The following RALGPS2 variants were observed in gnomAD, a reference collection of about 807,000 sequenced individuals.
RALGPS2 encodes the protein ras-specific guanine nucleotide-releasing factor RalGPS2.
Under a neutral mutation model 86.8 loss-of-function variants are expected in RALGPS2, and 43 were observed. The ratio of observed to expected loss-of-function variants is 0.50; its 90% CI spans 0.39 to 0.64. The LOEUF is 0.64. Among genes scored for constraint, RALGPS2 ranks in the 30% least tolerant of loss-of-function variants. The pLI, the probability that RALGPS2 is intolerant of heterozygous loss-of-function variation, is 0.00. For synonymous variants in RALGPS2, 243 were observed against 231.3 expected (o/e 1.05, Z -0.46); for missense variants, 536 against 694.6 (o/e 0.77, Z 2.57).
rs185771709 is a variant in RALGPS2 at position 178,921,029 on chromosome 1, C to G, written c.*4670C>G. 4 of 152,124 alleles carry G rather than the reference C, an allele frequency of 2.6e-5. No homozygotes were observed. The highest frequency in any genetic ancestry group is 2.0e-4 in the Admixed American group (3 of 15,276). 9.4% of individuals were successfully genotyped at this position (152,124 alleles called of 1,614,324 possible). A position where few individuals can be genotyped will look rare whatever the true frequency, so the allele number is the denominator to read the frequency against. On this transcript the variant is annotated 3_prime_UTR_variant, in exon 20 of 20. Transcript: ENST00000367635. ...GCAAAGTTGGAAATATTTTGCTTCT[C>G]TCAGATTATTGGAAGACCTAGAGCT...
rs139209943 is a variant in RALGPS2, at chr1:178,919,369, G to A, written c.*3010G>A. 2 of 152,078 alleles carry A rather than the reference G, an allele frequency of 1.3e-5. No individual in the cohort carries two copies. The highest frequency in any genetic ancestry group is 2.9e-5 in the Non-Finnish European group (2 of 67,914). The allele number at this position is 152,078 out of a possible 1,614,324, so 9.4% of individuals were successfully genotyped here. A position where few individuals can be genotyped will look rare whatever the true frequency, so the allele number is the denominator to read the frequency against. On this transcript the variant is annotated 3_prime_UTR_variant, in exon 20 of 20. Transcript: ENST00000367635. ...TAACTATTGCACTACCTTCTGTGTG[G>A]ACTGTGTTGGTATTGGTTCTTTCTG...
At chr1:178,880,730 G>C (rs1419403614) in intron 10 of RALGPS2, among the ~76,000 whole-genome samples, 1 of 152,136 alleles carries the variant, frequency 6.6e-6, no homozygotes, top group African/African-American at 2.4e-5. Flanking sequence ...GAATTTAAAA[G>C]AATTTAAAGT....
chr1:178,785,099 G>A (rs982137814), intron 3 of RALGPS2, among the ~76,000 whole-genome samples: 2 of 151,944 alleles, frequency 1.3e-5, no homozygotes, highest in Non-Finnish European at 2.9e-5. Context: ...ATAGCCATAA[G>A]TGGGATAGGT....
intron 4 of RALGPS2, among the ~76,000 whole-genome samples, chr1:178,804,648 G>T: frequency 1.4e-5 from 1 of 71,974 alleles, no homozygotes. Flanking sequence ...TGGTGTATAT[G>T]TGCCACATTT....
At chr1:178,887,070 G>T (rs1193799382) in intron 13 of RALGPS2, among the ~76,000 whole-genome samples, 1 of 152,176 alleles carries the variant, frequency 6.6e-6, no homozygotes, top group East Asian at 1.9e-4. Flanking sequence ...AGGGATGTGA[G>T]ATTAAGAGAG....
chr1:178,757,544 A>G (rs1652016750), intron 1 of RALGPS2, among the ~76,000 whole-genome samples: 1 of 152,126 alleles, frequency 6.6e-6, no homozygotes, highest in Non-Finnish European at 1.5e-5. Flanking sequence ...ATCTATTGAG[A>G]TGATCATAGG....
chr1:178,772,178 A>G (rs1158391421), intron 1 of RALGPS2, among the ~76,000 whole-genome samples: 1 of 152,096 alleles, frequency 6.6e-6, no homozygotes, highest in Non-Finnish European at 1.5e-5. Context: ...CCTATTTCTG[A>G]TTCACTTGGG....
At chr1:178,791,350 A>C (rs959097312) in intron 4 of RALGPS2, among the ~76,000 whole-genome samples, 7 of 148,926 alleles carry the variant, frequency 4.7e-5, no homozygotes, top group Non-Finnish European at 7.4e-5. Flanking sequence ...GCTGGTCTTG[A>C]ATGCCTGGGC....
At position 178,886,100 on chromosome 1, in the gene RALGPS2, T is replaced by C; in HGVS notation, c.1172T>C (p.Leu391Pro). Residue 391 changes from leucine (L) to proline (P), a missense_variant, in exon 13 of 20, where the codon CTT becomes CCT. This residue lies in a region of RALGPS2 where 309 missense variants were observed against 363.0 expected (regional missense o/e 0.85). Transcript: ENST00000367635. Reference sequence around the variant, plus strand: ...CGAGGCCAAGCTGAAAGTTCTACTCTTTCTAGTGGAATATCAATAGGTGAG... The same window carrying C: ...CGAGGCCAAGCTGAAAGTTCTACTCCTTCTAGTGGAATATCAATAGGTGAG... ...PSRGQAESST[L>P]SSGISIGSSD... 6.2e-7 allele frequency: 1 copy of C among 1,612,154 alleles called. No homozygotes were observed. Among genetic ancestry groups the C allele is most frequent in the Non-Finnish European group, 8.5e-7 (1 of 1,179,504 alleles).
At chr1:178,906,647 G>T (rs1660400327) in intron 18 of RALGPS2, 129 bp from the exon 19 acceptor site, 2 of 649,376 alleles carry the variant, frequency 3.1e-6, no homozygotes, top group South Asian at 3.5e-5. Context: ...ACAATAAAAT[G>T]GAGGTGTTGA....
At position 178,916,362 on chromosome 1, in the gene RALGPS2, G is replaced by C. The variant is rs1477041916; in HGVS notation, c.*3G>C. On this transcript the variant is annotated 3_prime_UTR_variant, in exon 20 of 20. Coordinates refer to ENST00000367635, the MANE Select transcript of RALGPS2 (RefSeq NM_152663.5). ...CAAACTTGATGACTTTTGAGTAGAA[G>C]CCTGAGAAAAAAAGAGAGGTGAACT... 2 of 1,599,338 alleles carry C rather than the reference G, an allele frequency of 1.3e-6. No homozygotes were observed. The highest frequency in any genetic ancestry group is 1.7e-5 in the Admixed American group (1 of 59,594).
chr1:178,760,806 G>T (rs897460408), intron 1 of RALGPS2, among the ~76,000 whole-genome samples: 3 of 152,040 alleles, frequency 2.0e-5, no homozygotes, highest in African/African-American at 7.2e-5. Flanking sequence ...AGGTGCTCTG[G>T]ATTTCTTATA....
At chr1:178,871,533 A>T (rs1227234711) in intron 8 of RALGPS2, among the ~76,000 whole-genome samples, 1 of 150,660 alleles carries the variant, frequency 6.6e-6, no homozygotes, top group Admixed American at 6.6e-5. Context: ...CTAAGTTGCT[A>T]ATGAAGGTTT....
Position 178,821,614 on chromosome 1 carries a change from A to G in RALGPS2, c.390A>G (p.Lys130=), listed in dbSNP as rs770809664. The change falls in exon 7 of 20, where the codon AAA becomes AAG. Residue 130 remains lysine (K), a splice_region_variant and synonymous_variant. Transcript: ENST00000367635. ...CCCATTTTTTTTCAAATCTTCAGAA[A>G]CTGTATGAGCTGAATAACCTTCATG... ...VLSHYIKTAK[K]LYELNNLHAL... 1 of 1,607,574 alleles carries G rather than the reference A, an allele frequency of 6.2e-7. No homozygotes were observed. The highest frequency in any genetic ancestry group is 1.1e-5 in the South Asian group (1 of 89,098).
chr1:178,770,507 CTT>C (rs747336558), intron 1 of RALGPS2, among the ~76,000 whole-genome samples: 20 of 136,194 alleles, frequency 1.5e-4, no homozygotes, highest in African/African-American at 3.6e-4. Flanking sequence ...ATACTTCATA[CTT>C]TTTTTTTTTT....
At chr1:178,862,630 T>TTTATTTGG (rs1267053510) in intron 8 of RALGPS2, among the ~76,000 whole-genome samples, 15 of 145,476 alleles carry the variant, frequency 1.0e-4, no homozygotes, top group East Asian at 2.0e-4. Context: ...TATTTATTTA[T>TTTATTTGG]TTGGTTGGTT....
At chr1:178,797,128 A>G (rs560682131) in intron 4 of RALGPS2, among the ~76,000 whole-genome samples, 118 of 152,296 alleles carry the variant, frequency 7.7e-4, no homozygotes, top group Middle Eastern at 3.4e-3. Flanking sequence ...TGTTGAGTTT[A>G]CTTCAACCTT....
chr1:178,752,546 A>G (rs1410291835), intron 1 of RALGPS2, among the ~76,000 whole-genome samples: 1 of 152,222 alleles, frequency 6.6e-6, no homozygotes, highest in African/African-American at 2.4e-5. Flanking sequence ...CAATAGCTGT[A>G]GAAGGAAGAA....
intron 17 of RALGPS2, among the ~76,000 whole-genome samples, chr1:178,901,142 G>A (rs1266931758): frequency 6.6e-6 from 1 of 151,906 alleles, no homozygotes; most frequent in African/African-American, 2.4e-5. Flanking sequence ...CTTTAATCGT[G>A]AAGCATATCA....
Sources: gnomAD v4.1 joint callset for allele counts (sites outside exome capture counted in the v4.1 genomes callset) on GRCh38, gnomAD v4.1.1 for gene constraint, gnomAD v4.1.1 regional missense constraint, MANE v1.5 for transcripts, NCBI Gene and HGNC (gene_info 2026-07-23, HGNC 2026-07-21) for gene names.